CRACD: variants seen among roughly 807,000 people sequenced by gnomAD.
CRACD encodes capping protein inhibiting regulator of actin dynamics.
CRACD carries 56 observed loss-of-function variants against 106.8 expected under a neutral mutation model. The observed-to-expected ratio is 0.52, with a 90% CI of 0.42 to 0.66. The LOEUF is 0.66. Among genes scored for constraint, CRACD ranks in the 30% least tolerant of loss-of-function variants. CRACD has a pLI of 0.00. For missense variants in CRACD, 1,730 were observed against 1,623.2 expected (o/e 1.07, Z -1.13); for synonymous variants, 754 against 670.8 (o/e 1.12, Z -1.92).
chr4:56,208,279 AG>A (rs761031123), intron 2 of CRACD, among the ~76,000 whole-genome samples: 7 of 152,110 alleles, frequency 4.6e-5, no homozygotes, highest in Non-Finnish European at 1.0e-4. Context: ...TACAAACCCA[AG>A]GTTCAAGGTC....
chr4:56,262,301 T>C (rs1218103374), intron 2 of CRACD, among the ~76,000 whole-genome samples: 2 of 152,192 alleles, frequency 1.3e-5, no homozygotes, highest in Non-Finnish European at 2.9e-5. Flanking sequence ...ACCTCAGCGA[T>C]CTGAAGTATC....
intron 1 of CRACD, among the ~76,000 whole-genome samples, chr4:56,131,851 A>C (rs890372961): frequency 6.6e-6 from 1 of 152,138 alleles, no homozygotes; most frequent in Admixed American, 6.5e-5. Context: ...ATATATGTTA[A>C]AATAGTATAT....
chr4:56,321,783 A>G (rs115428857), intron 8 of CRACD, among the ~76,000 whole-genome samples: 2,460 of 152,314 alleles, frequency 0.016, 77 homozygotes, highest in African/African-American at 0.056. Context: ...GTTAGATCAT[A>G]ACTGAATCGT....
chr4:56,245,008 C>T (rs1740604704), intron 2 of CRACD, among the ~76,000 whole-genome samples: 1 of 152,184 alleles, frequency 6.6e-6, no homozygotes, highest in African/African-American at 2.4e-5. Context: ...TCTTTGTGCT[C>T]ATTTCTCAAA....
intron 1 of CRACD, among the ~76,000 whole-genome samples, chr4:56,172,183 T>C (rs1023599026): frequency 2.6e-5 from 4 of 152,132 alleles, no homozygotes; most frequent in African/African-American, 7.2e-5. Context: ...GGTCCCACTG[T>C]CCACTAAAAC....
intron 1 of CRACD, among the ~76,000 whole-genome samples, chr4:56,145,097 TG>T (rs1170699243): frequency 6.6e-6 from 1 of 152,212 alleles, no homozygotes; most frequent in African/African-American, 2.4e-5. Flanking sequence ...CACCATTTTT[TG>T]TATATTTTCA....
chr4:56,097,366 T>C (rs1285820821), intron 1 of CRACD: 1 of 152,668 alleles, frequency 6.6e-6, no homozygotes. Flanking sequence ...AGTTAGTGAC[T>C]GTGAGTTGAG....
rs979182333 is a variant in CRACD at position 56,187,646 on chromosome 4, C to A, written c.-189+8216C>A. ...TTGAATTTATTACCCCTACAATGTC[C>A]ATTTTAATCTTCTTTTTCCTTATTA... On this transcript the variant is annotated intron_variant, in intron 2 of 10. Coordinates refer to ENST00000682029, the MANE Select transcript of CRACD (RefSeq NM_001393381.1). Among the ~76,000 whole-genome samples the A allele has an allele frequency of 4.6e-5, 7 of 152,176 alleles. No homozygotes were observed. In the South Asian group the frequency reaches 1.2e-3, roughly 27 times the overall value.
intron 1 of CRACD, among the ~76,000 whole-genome samples, chr4:56,149,712 A>T (rs1735518773): frequency 1.3e-5 from 2 of 152,332 alleles, no homozygotes; most frequent in Non-Finnish European, 2.9e-5. Context: ...TTTCAGAGCT[A>T]GTTTGAATTT....
intron 2 of CRACD, among the ~76,000 whole-genome samples, chr4:56,185,209 G>A (rs568418753): frequency 2.0e-5 from 3 of 152,094 alleles, no homozygotes; most frequent in Admixed American, 6.6e-5. Flanking sequence ...TGCCCACCTC[G>A]GCCTCCCAAA....
Position 56,137,190 on chromosome 4 carries a change from G to C in CRACD, c.-335-42094G>C, listed in dbSNP as rs144965955. On this transcript the variant is annotated intron_variant, in intron 1 of 10. Transcript: ENST00000682029. ...TGCATGCCTGTAATCTCGATGACTT[G>C]AGCCCCAGAAGGTCAAGGTTGCGGT... Among the ~76,000 whole-genome samples, 572 of 151,838 alleles carry C rather than the reference G, an allele frequency of 3.8e-3. 8 individuals carry two copies. The highest frequency in any genetic ancestry group is 0.013 in the African/African-American group (549 of 41,384).
intron 2 of CRACD, among the ~76,000 whole-genome samples, chr4:56,230,864 G>C (rs1739577858): frequency 6.6e-6 from 1 of 152,152 alleles, no homozygotes; most frequent in African/African-American, 2.4e-5. Flanking sequence ...GTTTGTGCAA[G>C]GTATTGTGAC....
chr4:56,326,212 C>A (rs1000422803), intron 10 of CRACD, among the ~76,000 whole-genome samples: 1 of 152,056 alleles, frequency 6.6e-6, no homozygotes, highest in Non-Finnish European at 1.5e-5. Context: ...ATGCCTGGCC[C>A]AAAGCTTTAT....
intron 1 of CRACD, among the ~76,000 whole-genome samples, chr4:56,064,456 T>C (rs1732391653): frequency 6.6e-6 from 1 of 152,202 alleles, no homozygotes; most frequent in African/African-American, 2.4e-5. Flanking sequence ...CAGCACACTT[T>C]TCAAAGCTCT....
At chr4:56,238,012 C>T (rs1740094652) in intron 2 of CRACD, among the ~76,000 whole-genome samples, 1 of 151,942 alleles carries the variant, frequency 6.6e-6, no homozygotes, top group African/African-American at 2.4e-5. Context: ...ATCTATCCAT[C>T]CAGATATATA....
At chr4:56,055,263 C>A (rs1339866034) in intron 1 of CRACD, among the ~76,000 whole-genome samples, 1 of 151,486 alleles carries the variant, frequency 6.6e-6, no homozygotes, top group Non-Finnish European at 1.5e-5. Flanking sequence ...AGACAGGGAG[C>A]GGGAAACAGG....
Position 56,314,775 on chromosome 4 carries a change from G to A in CRACD, c.1273G>A (p.Asp425Asn), listed in dbSNP as rs775392890. The A allele has an allele frequency of 6.3e-7, 1 of 1,596,468 alleles. No homozygotes were observed. Residue 425 changes from aspartate to asparagine, a missense_variant, in exon 8 of 11, where the codon GAC (aspartate) becomes AAC (asparagine). Asp to Asn is a conservative substitution (Grantham distance 23, BLOSUM62 1). Transcript: ENST00000682029. This position sits in a 1 kb window ranked among gnomAD's most constrained non-coding sequence, Gnocchi z 4.4. Reference sequence around the variant, plus strand: ...GGGGCAGCTCAGTGAGCTTCTGAACGACTTTGAGGAGAGGCTCGAAGACCA... The same window carrying A: ...GGGGCAGCTCAGTGAGCTTCTGAACAACTTTGAGGAGAGGCTCGAAGACCA... ...WRGQLSELLN[D>N]FEERLEDQER...
intron 1 of CRACD, among the ~76,000 whole-genome samples, chr4:56,153,360 A>T (rs1438558430): frequency 6.6e-6 from 1 of 152,128 alleles, no homozygotes; most frequent in Non-Finnish European, 1.5e-5. Flanking sequence ...AAACTGCATC[A>T]TCACCCTCTT....
intron 3 of CRACD, among the ~76,000 whole-genome samples, chr4:56,275,406 A>G (rs1577842432): frequency 1.3e-5 from 2 of 152,160 alleles, no homozygotes; most frequent in South Asian, 4.1e-4. Flanking sequence ...GTGCGCTATG[A>G]TCATGTCTAT....
Sources: gnomAD v4.1 joint callset for allele counts (sites outside exome capture counted in the v4.1 genomes callset) on GRCh38, gnomAD v4.1.1 for gene constraint, Gnocchi (gnomAD v3.1) non-coding constraint, MANE v1.5 for transcripts, NCBI Gene and HGNC (gene_info 2026-07-23, HGNC 2026-07-21) for gene names.